SPECC1: variants seen among roughly 807,000 people sequenced by gnomAD.
SPECC1 encodes the protein sperm antigen with calponin homology and coiled-coil domains 1.
In SPECC1, 62 loss-of-function variants were observed where a neutral mutation model predicts 104.1. The observed-to-expected ratio is 0.60, with a 90% CI of 0.49 to 0.74. The LOEUF is 0.74. Among genes scored for constraint, SPECC1 ranks in the 30% least tolerant of loss-of-function variants. SPECC1 has a pLI of 0.00. For missense variants in SPECC1, 1,306 were observed against 1,310.5 expected, an observed-to-expected ratio of 1.00 and a Z score of 0.05; for synonymous variants, 513 against 501.6, an observed-to-expected ratio of 1.02 and a Z score of -0.30.
chr17:20,046,835 G>C (rs1320428619), intron 1 of SPECC1, among the ~76,000 whole-genome samples: 1 of 146,236 alleles, frequency 6.8e-6, no homozygotes, highest in Non-Finnish European at 1.5e-5. Context: ...AGGGTATGCA[G>C]GAGACACGTC....
intron 14 of SPECC1, among the ~76,000 whole-genome samples, chr17:20,306,960 T>C (rs2041785643): frequency 6.6e-6 from 1 of 151,578 alleles, no homozygotes. Context: ...ATGAAAGAGA[T>C]AAAAGGAGGA....
intron 12 of SPECC1, among the ~76,000 whole-genome samples, chr17:20,294,626 G>C (rs567185983): frequency 6.6e-6 from 1 of 151,056 alleles, no homozygotes; most frequent in Non-Finnish European, 1.5e-5. Flanking sequence ...AGGTAATGAC[G>C]ACGGTGGTGG....
chr17:20,243,617 C>G (rs2039297760), intron 7 of SPECC1, among the ~76,000 whole-genome samples: 1 of 152,162 alleles, frequency 6.6e-6, no homozygotes, highest in Non-Finnish European at 1.5e-5. Context: ...GGGTATTTCT[C>G]TTCTCAAATT....
intron 1 of SPECC1, 108 bp from the exon 2 acceptor site, chr17:20,096,523 A>G (rs2047651110): frequency 8.7e-6 from 11 of 1,265,794 alleles, no homozygotes; most frequent in Admixed American, 6.7e-5. Flanking sequence ...AGGTGCTCCT[A>G]CTCTGTGATA....
chr17:20,096,661 G>A lies in SPECC1; in HGVS notation c.10G>A (p.Ala4Thr), dbSNP rs1386078027. ...ACCCACGAAGTCAAGCATGCGGAGTGCAGCCAAGCCCTGGAACCCAGCCAT... is the reference window on the plus strand; with the variant it reads ...ACCCACGAAGTCAAGCATGCGGAGTACAGCCAAGCCCTGGAACCCAGCCAT... MRS[A>T]AKPWNPAIRA... The change falls in exon 2 of 15, where the codon GCA (alanine) becomes ACA (threonine). Residue 4 changes from alanine to threonine, a missense_variant. Around this residue, in one of 2 missense-constraint regions of SPECC1, gnomAD observed 1,177 missense variants for 1,139.9 expected, o/e 1.03. Transcript: ENST00000395527. 1 of 1,613,254 alleles carries A rather than the reference G, an allele frequency of 6.2e-7. No homozygotes were observed. The highest frequency in any genetic ancestry group is 1.7e-5 in the Admixed American group (1 of 59,852).
rs145712701 is a variant in SPECC1 at position 20,049,105 on chromosome 17, T to C, written c.-22+39681T>C. ...AGAGTGGAATTGCTTTGTCAAAGGA[T>C]ATATGCACTTGTACATTTGATAGAC... On this transcript the variant is annotated intron_variant, in intron 1 of 14. Coordinates refer to ENST00000395527, the MANE Select transcript of SPECC1 (RefSeq NM_001243439.2). Among the ~76,000 whole-genome samples the C allele has an allele frequency of 3.8e-3, 572 of 152,226 alleles. 2 individuals carry two copies. Among genetic ancestry groups the C allele is most frequent in the South Asian group, 0.011 (54 of 4,822 alleles).
chr17:20,050,686 C>CT (rs1201449282), intron 1 of SPECC1, among the ~76,000 whole-genome samples: 1 of 152,126 alleles, frequency 6.6e-6, no homozygotes, highest in African/African-American at 2.4e-5. Context: ...ACCCTGGCTC[C>CT]TTGGTAATGT....
intron 3 of SPECC1, among the ~76,000 whole-genome samples, chr17:20,169,914 T>TA (rs2033956018): frequency 1.3e-5 from 2 of 152,224 alleles, no homozygotes; most frequent in African/African-American, 4.8e-5. Flanking sequence ...CTATTTTACT[T>TA]ACAAAAATTT....
chr17:20,162,184 C>A (rs934060040), intron 3 of SPECC1, among the ~76,000 whole-genome samples: 19 of 151,090 alleles, frequency 1.3e-4, no homozygotes, highest in Non-Finnish European at 2.7e-4. Context: ...CTCGCTCTGT[C>A]GTCCAGGCTG....
At chr17:20,101,249 C>G (rs997955692) in intron 2 of SPECC1, among the ~76,000 whole-genome samples, 5 of 152,182 alleles carry the variant, frequency 3.3e-5, no homozygotes, top group Admixed American at 3.3e-4. Flanking sequence ...ACACTGTCTT[C>G]CACAATGGTT....
At chr17:20,052,039 CA>C (rs1414208488) in intron 1 of SPECC1, among the ~76,000 whole-genome samples, 1 of 151,894 alleles carries the variant, frequency 6.6e-6, no homozygotes, top group Admixed American at 6.6e-5. Context: ...ACAACTTCAA[CA>C]AAAAAACCCT....
At chr17:20,116,457 G>C (rs2048759955) in intron 3 of SPECC1, among the ~76,000 whole-genome samples, 1 of 151,474 alleles carries the variant, frequency 6.6e-6, no homozygotes, top group South Asian at 2.1e-4. Context: ...ATAAAGGAAT[G>C]AAAGGGCAAA....
intron 1 of SPECC1, among the ~76,000 whole-genome samples, chr17:20,041,178 G>T (rs1160428396): frequency 6.6e-6 from 1 of 152,042 alleles, no homozygotes; most frequent in Non-Finnish European, 1.5e-5. Flanking sequence ...TCCATTCTAT[G>T]TTGTCTTTCC....
intron 7 of SPECC1, among the ~76,000 whole-genome samples, chr17:20,241,686 A>C (rs1355427705): frequency 7.0e-6 from 1 of 142,612 alleles, no homozygotes; most frequent in African/African-American, 2.9e-5. Flanking sequence ...TTACTTTCTT[A>C]TCCTGTTTGT....
At chr17:20,102,785 T>TC (rs2048004419) in intron 2 of SPECC1, among the ~76,000 whole-genome samples, 1 of 152,086 alleles carries the variant, frequency 6.6e-6, no homozygotes, top group Admixed American at 6.5e-5. Context: ...CCCTCCTCCC[T>TC]CCTCCTCCTT....
At chr17:20,067,167 A>G (rs1020284076) in intron 1 of SPECC1, 2 of 151,936 alleles carry the variant, frequency 1.3e-5, no homozygotes, top group African/African-American at 4.8e-5. Flanking sequence ...CTAGATAACC[A>G]TTCTTTCTTT....
At chr17:20,288,262 A>C (rs1281813389) in intron 12 of SPECC1, among the ~76,000 whole-genome samples, 4 of 152,202 alleles carry the variant, frequency 2.6e-5, no homozygotes, top group African/African-American at 9.7e-5. Context: ...TAACGTGTGC[A>C]TGTATCTTTA....
At chr17:20,192,317 T>G (rs1226736406) in intron 3 of SPECC1, among the ~76,000 whole-genome samples, 1 of 152,126 alleles carries the variant, frequency 6.6e-6, no homozygotes, top group Non-Finnish European at 1.5e-5. Flanking sequence ...TTTGTATATT[T>G]TGGATAACAG....
intron 11 of SPECC1, among the ~76,000 whole-genome samples, chr17:20,259,806 C>A (rs923307429): frequency 6.6e-6 from 1 of 152,150 alleles, no homozygotes; most frequent in African/African-American, 2.4e-5. Context: ...CCACTGCACC[C>A]AGCCAATCTA....
Sources: gnomAD v4.1 joint callset for allele counts (sites outside exome capture counted in the v4.1 genomes callset) on GRCh38, gnomAD v4.1.1 for gene constraint, gnomAD v4.1.1 regional missense constraint, MANE v1.5 for transcripts, NCBI Gene and HGNC (gene_info 2026-07-23, HGNC 2026-07-21) for gene names.